PDXDC1: variants seen among roughly 807,000 people sequenced by gnomAD.
PDXDC1 encodes pyridoxal-dependent decarboxylase domain-containing protein 1.
A neutral mutation model predicts 100.1 loss-of-function variants in PDXDC1; 42 were observed. The observed-to-expected ratio is 0.42, with a 90% confidence interval of 0.33 to 0.54. PDXDC1 has a LOEUF of 0.54. PDXDC1 is among the 20% of genes least tolerant of loss of function. The pLI, the probability that PDXDC1 is intolerant of heterozygous loss-of-function variation, is 0.10. For synonymous variants in PDXDC1, 260 were observed against 371.7 expected (o/e 0.70, Z 3.46); for missense variants, 636 against 979.2 (o/e 0.65, Z 4.68).
chr16:14,978,143 C>G (rs1377027886), intron 1 of PDXDC1, among the ~76,000 whole-genome samples: 1 of 152,228 alleles, frequency 6.6e-6, no homozygotes. Context: ...TATCTGAGAT[C>G]AGTGATGTCC....
chr16:15,082,759 G>A (rs1378863962), intron 16 of PDXDC1, among the ~76,000 whole-genome samples: 1 of 151,782 alleles, frequency 6.6e-6, no homozygotes, highest in Non-Finnish European at 1.5e-5. Flanking sequence ...TATGCTACTA[G>A]ATTCGGTTTT....
At chr16:15,101,756 C>T (rs977119723) in intron 16 of PDXDC1, among the ~76,000 whole-genome samples, 7 of 148,390 alleles carry the variant, frequency 4.7e-5, no homozygotes, top group African/African-American at 1.7e-4. Context: ...CTCACTGCAG[C>T]CTCAAACTCC....
downstream of PDXDC1, chr16:15,039,926 C>CTT (rs34345533): frequency 2.0e-3 from 1,977 of 1,006,952 alleles, no homozygotes; most frequent in Admixed American, 2.6e-3. Flanking sequence ...CATTTGATGC[C>CTT]TTTTTTTTTT....
At chr16:15,006,869 TA>T (rs2040822162) in intron 6 of PDXDC1, among the ~76,000 whole-genome samples, 1 of 152,296 alleles carries the variant, frequency 6.6e-6, no homozygotes, top group Non-Finnish European at 1.5e-5. Flanking sequence ...CACTTATTGT[TA>T]AAACAGGAAT....
At chr16:14,986,657 A>T (rs532034052) in intron 1 of PDXDC1, among the ~76,000 whole-genome samples, 4 of 152,422 alleles carry the variant, frequency 2.6e-5, no homozygotes, top group East Asian at 3.8e-4. Flanking sequence ...GAGAGGTAAA[A>T]CTGTGTCTAA....
At chr16:15,143,619 G>C (rs1206618659), downstream of PDXDC1, among the ~76,000 whole-genome samples, 1 of 152,222 alleles carries the variant, frequency 6.6e-6, no homozygotes, top group Non-Finnish European at 1.5e-5. Flanking sequence ...GGCAGGGCCC[G>C]GGAAGTCTTG....
At chr16:15,004,450 T>A (rs1194138135) in intron 5 of PDXDC1, 117 bp downstream of exon 5, 18 of 1,198,020 alleles carry the variant, frequency 1.5e-5, no homozygotes, top group Non-Finnish European at 1.8e-5. Context: ...AAAGGGGTGT[T>A]TAACCTCTCA....
chr16:15,136,069 T>C (rs1176447683), intron 16 of PDXDC1: 8 of 1,577,196 alleles, frequency 5.1e-6, no homozygotes, highest in African/African-American at 1.3e-5. Flanking sequence ...GGCCTCGCCC[T>C]GCGGCGCTGG....
In PDXDC1 at chr16:15,127,922, G is replaced by A. The variant is rs570965735; in HGVS notation, c.1400-10957G>A. 4.0e-5 allele frequency: 55 copies of A among 1,386,150 alleles called. 1 individual carries two copies. The South Asian group carries it at 6.2e-4, about 16-fold the overall frequency. The allele number at this position is 1,386,150 out of a possible 1,614,324, so 85.9% of individuals were successfully genotyped here. A position where few individuals can be genotyped will look rare whatever the true frequency, so the allele number is the denominator to read the frequency against. ...CCTAGAAGGCAGGGAGGGCCGCACT[G>A]CAGGAGGCCACGGGGCAGGACCACC... is the stretch of plus-strand genomic sequence containing the variant. On this transcript the variant is annotated intron_variant, in intron 16 of 16. Coordinates refer to the PDXDC1 transcript ENST00000535621.
At chr16:15,063,704 CAAAAAA>C (rs10664930) in intron 16 of PDXDC1, among the ~76,000 whole-genome samples, 6 of 89,130 alleles carry the variant, frequency 6.7e-5, no homozygotes, top group Non-Finnish European at 8.1e-5. Flanking sequence ...GACTCTGTCT[CAAAAAA>C]AAAAAAAAAA....
At chr16:15,140,132 G>T (rs2151933532), downstream of PDXDC1, among the ~76,000 whole-genome samples, 1 of 149,398 alleles carries the variant, frequency 6.7e-6, no homozygotes, top group Middle Eastern at 3.4e-3. Flanking sequence ...AAGAAAGGGA[G>T]GAGAGAGAGA....
At position 15,094,272 on chromosome 16, in the gene PDXDC1, T is replaced by C. The variant is rs756873422; in HGVS notation, c.1400-44607T>C. The C allele has an allele frequency of 1.1e-5, 16 of 1,471,628 alleles. No homozygotes were observed. In the South Asian group the frequency reaches 1.3e-4, roughly 12 times the overall value. The allele number at this position is 1,471,628 out of a possible 1,614,324, so 91.2% of individuals were successfully genotyped here. Reference sequence around the variant, plus strand: ...CGCGACCGCTGCGCCTCAGGCCGGATGCCCAGCTCCTTCCAGCCACAGCCT... The same window carrying C: ...CGCGACCGCTGCGCCTCAGGCCGGACGCCCAGCTCCTTCCAGCCACAGCCT... On this transcript the variant is annotated intron_variant, in intron 16 of 16. Coordinates refer to the PDXDC1 transcript ENST00000535621.
At chr16:15,089,821 G>C (rs1405539382) in intron 16 of PDXDC1, among the ~76,000 whole-genome samples, 2 of 137,070 alleles carry the variant, frequency 1.5e-5, no homozygotes, top group African/African-American at 5.4e-5. Flanking sequence ...ACAGATTAAA[G>C]GATCAGGAGA....
intron 1 of PDXDC1, among the ~76,000 whole-genome samples, chr16:14,994,179 A>G (rs1263899690): frequency 6.6e-6 from 1 of 152,264 alleles, no homozygotes; most frequent in Non-Finnish European, 1.5e-5. Context: ...TTTTGTTGCC[A>G]TTGCTTTTGG....
downstream of PDXDC1, chr16:15,039,912 T>C: frequency 1.0e-6 from 1 of 1,004,382 alleles, no homozygotes; most frequent in South Asian, 1.4e-5. Context: ...ACTTAAGGCC[T>C]TGACATTTGA....
intron 1 of PDXDC1, among the ~76,000 whole-genome samples, chr16:14,980,116 A>G (rs1214132384): frequency 1.3e-5 from 2 of 152,272 alleles, no homozygotes. Flanking sequence ...CTGATCCTAG[A>G]TATTTATGGC....
chr16:15,113,214 TGAGAA>T (rs1259734575), intron 16 of PDXDC1, among the ~76,000 whole-genome samples: 2 of 9,986 alleles, frequency 2.0e-4, no homozygotes, highest in Non-Finnish European at 3.0e-4. Flanking sequence ...GTCTTGGGGG[TGAGAA>T]AAGAAAAAAA....
In PDXDC1 at chr16:15,076,053, G is replaced by A. The variant is rs147730424; in HGVS notation, c.1399+45997G>A. Among the ~76,000 whole-genome samples, 457 of 152,222 alleles carry A rather than the reference G, an allele frequency of 3.0e-3. 1 individual carries two copies. The highest frequency in any genetic ancestry group is 0.011 in the African/African-American group (443 of 41,542). Reference sequence around the variant, plus strand: ...CAATCCATGCCCCAGAATGCCTGGTGGGAGCAGGCTGTAGCGACCTCCCAA... The same window carrying A: ...CAATCCATGCCCCAGAATGCCTGGTAGGAGCAGGCTGTAGCGACCTCCCAA... On this transcript the variant is annotated intron_variant, in intron 16 of 16. Transcript: ENST00000535621.
chr16:15,043,971 A>G (rs920973716), intron 16 of PDXDC1, among the ~76,000 whole-genome samples: 1 of 152,118 alleles, frequency 6.6e-6, no homozygotes, highest in East Asian at 1.9e-4. Flanking sequence ...AAAAGAAAAA[A>G]TTTGCTAATA....
Sources: allele counts gnomAD v4.1 joint callset (sites outside exome capture counted in the v4.1 genomes callset), GRCh38; gene constraint gnomAD v4.1.1; transcripts MANE v1.5; gene names NCBI Gene and HGNC (gene_info 2026-07-23, HGNC 2026-07-21).